Variants in NSUN6 observed in about 807,000 individuals in gnomAD.
NSUN6 encodes NOP2/Sun RNA methyltransferase 6.
A neutral mutation model predicts 58.0 loss-of-function variants in NSUN6; 64 were observed. The observed-to-expected ratio is 1.10, with a 90% CI of 0.90 to 1.36. The LOEUF is 1.36. Among genes scored for constraint, NSUN6 ranks in the 40% most tolerant of loss-of-function variants. The pLI is 0.00. For synonymous variants in NSUN6, 231 were observed against 193.9 expected (o/e 1.19, Z -1.59); for missense variants, 701 against 550.1 (o/e 1.27, Z -2.74).
At chr10:18,586,728 A>G (rs904989484) in intron 7 of NSUN6, among the ~76,000 whole-genome samples, 9 of 152,236 alleles carry the variant, frequency 5.9e-5, no homozygotes, top group African/African-American at 2.2e-4. Flanking sequence ...TTTATTGTGA[A>G]GAACGAAAGA....
At chr10:18,555,668 GGATGATGGTATGGA>G (rs1256948344) in intron 8 of NSUN6, among the ~76,000 whole-genome samples, 10 of 149,200 alleles carry the variant, frequency 6.7e-5, no homozygotes, top group South Asian at 4.3e-4. Context: ...GGAATGGAAT[GGATGATGGTATGGA>G]GAATGGAATG....
chr10:18,611,988 T>A (rs1382302953), intron 5 of NSUN6, among the ~76,000 whole-genome samples: 1 of 152,172 alleles, frequency 6.6e-6, no homozygotes, highest in East Asian at 1.9e-4. Flanking sequence ...TGTACACTTT[T>A]AATCAGAGGT....
rs1564854090 is a variant in NSUN6, at chr10:18,651,251, G to T, written c.-48C>A. The T allele has an allele frequency of 3.4e-6, 5 of 1,474,494 alleles. No individual in the cohort carries two copies. Among genetic ancestry groups the T allele is most frequent in the Non-Finnish European group, 9.0e-7 (1 of 1,115,494 alleles). The allele number at this position is 1,474,494 out of a possible 1,614,324, so 91.3% of individuals were successfully genotyped here. ...ACCAAGAGAAATGCTGGAAAACGGT[G>T]TTTTGTTTTTTTTTTTCTTTCCGAA... On this transcript the variant is annotated 5_prime_UTR_variant, in exon 1 of 11. Coordinates refer to ENST00000377304, the MANE Select transcript of NSUN6 (RefSeq NM_182543.5).
chr10:18,615,004 T>C (rs1198562016), intron 4 of NSUN6, among the ~76,000 whole-genome samples: 2 of 151,952 alleles, frequency 1.3e-5, no homozygotes, highest in Admixed American at 1.3e-4. Context: ...CCTAAAATCC[T>C]TCAAAGAAAT....
At chr10:18,566,609 T>C (rs899807213) in intron 8 of NSUN6, among the ~76,000 whole-genome samples, 7 of 150,904 alleles carry the variant, frequency 4.6e-5, no homozygotes, top group African/African-American at 1.7e-4. Flanking sequence ...CATTCTCCAG[T>C]CCCTTCCATT....
chr10:18,653,370 T>G, upstream of NSUN6: 1 of 974,328 alleles, frequency 1.0e-6, no homozygotes, highest in Non-Finnish European at 1.2e-6. Context: ...TTGAGGACAT[T>G]TAGACTTTTT....
At chr10:18,557,313 G>A (rs185807991) in intron 8 of NSUN6, among the ~76,000 whole-genome samples, 48 of 151,266 alleles carry the variant, frequency 3.2e-4, no homozygotes, top group South Asian at 2.9e-3. Context: ...ATCGAATGGC[G>A]AAGCGGATGG....
At chr10:18,565,424 ACTCCATTCCATT>A (rs2130913231) in intron 8 of NSUN6, among the ~76,000 whole-genome samples, 1 of 140,782 alleles carries the variant, frequency 7.1e-6, no homozygotes, top group African/African-American at 2.7e-5. Context: ...ACCATTCTCC[ACTCCATTCCATT>A]CTCCATTTCA....
At chr10:18,644,054 A>G (rs933904962) in intron 2 of NSUN6, among the ~76,000 whole-genome samples, 2 of 152,198 alleles carry the variant, frequency 1.3e-5, no homozygotes, top group Non-Finnish European at 1.5e-5. Flanking sequence ...AATTTCACCC[A>G]TTTTAAACGT....
intron 8 of NSUN6, among the ~76,000 whole-genome samples, chr10:18,571,516 T>C (rs2056361287): frequency 6.6e-6 from 1 of 151,574 alleles, no homozygotes; most frequent in South Asian, 2.1e-4. Context: ...CCCCATTCTA[T>C]TCCATTCCCC....
At chr10:18,646,786 G>A (rs562448588) in intron 2 of NSUN6, among the ~76,000 whole-genome samples, 2 of 152,270 alleles carry the variant, frequency 1.3e-5, no homozygotes, top group African/African-American at 2.4e-5. Context: ...AGCCAAGATC[G>A]TGCCACCGCA....
chr10:18,651,869 G>C, upstream of NSUN6: 1 of 985,444 alleles, frequency 1.0e-6, no homozygotes. Flanking sequence ...TGGGGAAACA[G>C]CCAAATGGCG....
At chr10:18,658,098 A>G (rs774972924), upstream of NSUN6, 1 of 152,206 alleles carries the variant, frequency 6.6e-6, no homozygotes, top group Non-Finnish European at 1.5e-5. Context: ...ATGTCCTTTT[A>G]AGCCATTACT....
upstream of NSUN6, chr10:18,651,660 G>A (rs531370490): frequency 4.1e-6 from 4 of 985,974 alleles, no homozygotes; most frequent in Non-Finnish European, 4.8e-6. Flanking sequence ...GGCGCCTGCG[G>A]CCCACCCCTC....
rs1564701811 is a variant in NSUN6, at chr10:18,551,962, GGAGGTTCTCCTATAAAGA to G, written c.923-9_931del. On this transcript the variant is annotated splice_acceptor_variant and splice_polypyrimidine_tract_variant and coding_sequence_variant and intron_variant, in exon 9 of 11. Transcript: ENST00000377304. LOFTEE classifies it high-confidence loss of function. ...TCGGTCAAAGGATTCTGGTAGAAAT[GGAGGTTCTCCTATAAAGA>G]GAATTATAATCATGTTTACTATCTT... is the stretch of plus-strand genomic sequence containing the variant. 1.1e-5 allele frequency: 17 copies of G among 1,600,834 alleles called. No homozygotes were observed. Among genetic ancestry groups the G allele is most frequent in the Non-Finnish European group, 1.5e-5 (17 of 1,169,566 alleles).
intron 8 of NSUN6, among the ~76,000 whole-genome samples, chr10:18,562,049 T>C (rs974100758): frequency 7.1e-6 from 1 of 141,684 alleles, no homozygotes; most frequent in African/African-American, 2.7e-5. Flanking sequence ...GAATGGAGCA[T>C]GGAATGGAGT....
chr10:18,564,367 CTCCAT>C (rs925042078), intron 8 of NSUN6, among the ~76,000 whole-genome samples: 8 of 150,416 alleles, frequency 5.3e-5, no homozygotes, highest in Non-Finnish European at 7.4e-5. Context: ...CTGTTACATT[CTCCAT>C]TCCATTCCAT....
chr10:18,652,336 C>T, upstream of NSUN6: 1 of 983,030 alleles, frequency 1.0e-6, no homozygotes, highest in Middle Eastern at 5.2e-4. Flanking sequence ...ATAATTCTAT[C>T]ACCTTGACAT....
upstream of NSUN6, among the ~76,000 whole-genome samples, chr10:18,655,960 T>G (rs1388922921): frequency 6.6e-6 from 1 of 152,230 alleles, no homozygotes; most frequent in Non-Finnish European, 1.5e-5. Flanking sequence ...TTTGATCTAG[T>G]AGATATTTTG....
Sources: gnomAD v4.1 joint callset for allele counts (sites outside exome capture counted in the v4.1 genomes callset) on GRCh38, gnomAD v4.1.1 for gene constraint, MANE v1.5 for transcripts, NCBI Gene and HGNC (gene_info 2026-07-23, HGNC 2026-07-21) for gene names.